NLGN1: variants seen among roughly 807,000 people sequenced by gnomAD.
The protein encoded by NLGN1 is neuroligin-1.
NLGN1 carries 12 observed loss-of-function variants against 65.5 expected under a neutral mutation model. The ratio of observed to expected loss-of-function variants is 0.18; its 90% CI spans 0.12 to 0.30. The LOEUF is 0.30. Among genes scored for constraint, NLGN1 ranks in the 10% least tolerant of loss-of-function variants. The pLI, the probability that NLGN1 is intolerant of heterozygous loss-of-function variation, is 1.00. For missense variants in NLGN1, 750 were observed against 1,007.1 expected (o/e 0.74, Z 3.46); for synonymous variants, 350 against 359.5 (o/e 0.97, Z 0.30).
At chr3:173,422,514 T>C (rs59161091) in intron 1 of NLGN1, among the ~76,000 whole-genome samples, 6,246 of 152,266 alleles carry the variant, frequency 0.041, 417 homozygotes, top group African/African-American at 0.14. Flanking sequence ...GGTCATATGG[T>C]ATTTTTATTT....
intron 4 of NLGN1, among the ~76,000 whole-genome samples, chr3:173,999,904 C>T (rs927470585): frequency 1.3e-4 from 20 of 151,394 alleles, no homozygotes; most frequent in African/African-American, 3.6e-4. Flanking sequence ...TAAAAATTTG[C>T]GTTAAACAAT....
At chr3:173,410,298 A>G (rs1195606864) in intron 1 of NLGN1, among the ~76,000 whole-genome samples, 2 of 152,182 alleles carry the variant, frequency 1.3e-5, no homozygotes, top group Non-Finnish European at 2.9e-5. Context: ...TTGCATTATC[A>G]TGAGAACCCT....
At chr3:173,810,609 G>C (rs919784998) in intron 4 of NLGN1, among the ~76,000 whole-genome samples, 1 of 152,156 alleles carries the variant, frequency 6.6e-6, no homozygotes, top group African/African-American at 2.4e-5. Context: ...GGAGGTGGTG[G>C]GGAATCTTAC....
At chr3:173,868,233 G>A (rs1343730253) in intron 4 of NLGN1, among the ~76,000 whole-genome samples, 1 of 152,156 alleles carries the variant, frequency 6.6e-6, no homozygotes, top group Non-Finnish European at 1.5e-5. Flanking sequence ...ATGGGCATGA[G>A]AGAAAGTGAA....
chr3:173,988,004 A>G (rs1720310430), intron 4 of NLGN1, among the ~76,000 whole-genome samples: 1 of 152,200 alleles, frequency 6.6e-6, no homozygotes, highest in Non-Finnish European at 1.5e-5. Context: ...TGAACAATAT[A>G]AAGATGCATA....
In NLGN1 at chr3:173,862,527, A is replaced by AAAAG. The variant is rs1560514516; in HGVS notation, c.646+54699_646+54702dup. On this transcript the variant is annotated intron_variant, in intron 4 of 6. Transcript: ENST00000457714. ...TCTCAAAAAAAAAAAAAAAAAAAAAAAAAGAAAATGAAAACATAATACATA... is the reference window on the plus strand; with the variant it reads ...TCTCAAAAAAAAAAAAAAAAAAAAAAAAAGAAAGAAAATGAAAACATAATACATA... 7.9e-4 allele frequency among the ~76,000 whole-genome samples: 118 copies of AAAAG among 148,688 alleles called. 1 individual carries two copies. The highest frequency in any genetic ancestry group is 2.9e-3 in the African/African-American group (114 of 39,942).
intron 1 of NLGN1, among the ~76,000 whole-genome samples, chr3:173,403,156 T>G (rs1718013044): frequency 6.6e-6 from 1 of 152,178 alleles, no homozygotes; most frequent in South Asian, 2.1e-4. Flanking sequence ...ATGCATACTT[T>G]CATGATGTTA....
chr3:173,746,320 C>A (rs1217823489), intron 3 of NLGN1, among the ~76,000 whole-genome samples: 1 of 151,976 alleles, frequency 6.6e-6, no homozygotes, highest in Admixed American at 6.6e-5. Context: ...TTATGGGTAT[C>A]CCCATTAAAA....
At chr3:173,770,839 G>GA (rs954244209) in intron 3 of NLGN1, among the ~76,000 whole-genome samples, 18 of 149,428 alleles carry the variant, frequency 1.2e-4, no homozygotes, top group African/African-American at 2.7e-4. Context: ...TCAATAGAAT[G>GA]AAAAAAAAAA....
At chr3:174,044,428 G>T (rs1198467116) in intron 4 of NLGN1, among the ~76,000 whole-genome samples, 2 of 151,886 alleles carry the variant, frequency 1.3e-5, no homozygotes, top group Non-Finnish European at 2.9e-5. Flanking sequence ...TTACCAGTTA[G>T]AAATTTCTTC....
At chr3:173,752,811 C>A (rs1178754609) in intron 3 of NLGN1, among the ~76,000 whole-genome samples, 1 of 152,084 alleles carries the variant, frequency 6.6e-6, no homozygotes, top group African/African-American at 2.4e-5. Context: ...CAGTCTACTT[C>A]TCCCTCTCAA....
At position 173,842,196 on chromosome 3, in the gene NLGN1, G is replaced by T. The variant is rs982046145; in HGVS notation, c.646+34364G>T. On this transcript the variant is annotated intron_variant, in intron 4 of 6. Coordinates refer to ENST00000457714, the Ensembl canonical transcript of NLGN1. ...ACTCATTCACTTTCACAAGAACAGT[G>T]CAGAAAAGACGAGCCCACATAATTC... 2.0e-5 allele frequency among the ~76,000 whole-genome samples: 3 copies of T among 152,158 alleles called. No homozygotes were observed. In the East Asian group the frequency reaches 5.8e-4, roughly 29 times the overall value.
At chr3:174,263,591 T>C (rs1032011431) in intron 4 of NLGN1, among the ~76,000 whole-genome samples, 3 of 152,134 alleles carry the variant, frequency 2.0e-5, no homozygotes, top group African/African-American at 4.8e-5. Context: ...GCACGTGAGA[T>C]GGGATTCCTG....
intron 4 of NLGN1, among the ~76,000 whole-genome samples, chr3:173,811,620 A>G (rs1032336908): frequency 2.0e-5 from 3 of 151,676 alleles, no homozygotes; most frequent in Admixed American, 6.6e-5. Flanking sequence ...GCAGGGATAA[A>G]TACTTGATGT....
chr3:173,523,269 A>T (rs1735067862), intron 2 of NLGN1, among the ~76,000 whole-genome samples: 1 of 151,462 alleles, frequency 6.6e-6, no homozygotes, highest in South Asian at 2.1e-4. Flanking sequence ...ATTAAATATC[A>T]TTTGTCTATT....
chr3:173,729,869 T>C (rs1049384437), intron 3 of NLGN1, among the ~76,000 whole-genome samples: 1 of 152,044 alleles, frequency 6.6e-6, no homozygotes, highest in African/African-American at 2.4e-5. Flanking sequence ...TTCCATATTC[T>C]GTCAAATGCT....
chr3:174,045,841 G>A (rs967814581), intron 4 of NLGN1, among the ~76,000 whole-genome samples: 7 of 152,146 alleles, frequency 4.6e-5, no homozygotes, highest in African/African-American at 1.7e-4. Context: ...GGAAAGCTGA[G>A]CTTATAAAAT....
At chr3:174,150,241 T>C (rs2152703017) in intron 4 of NLGN1, among the ~76,000 whole-genome samples, 1 of 152,254 alleles carries the variant, frequency 6.6e-6, no homozygotes, top group Non-Finnish European at 1.5e-5. Context: ...AAATATATAC[T>C]GGCACCTACA....
chr3:173,644,654 A>T (rs1291137237), intron 3 of NLGN1: 1 of 155,134 alleles, frequency 6.4e-6, no homozygotes, highest in East Asian at 1.9e-4. Context: ...CTTCAGTGAC[A>T]CCCAGCCTGG....
Sources: gnomAD v4.1 joint callset for allele counts (sites outside exome capture counted in the v4.1 genomes callset) on GRCh38, gnomAD v4.1.1 for gene constraint, MANE v1.5 for transcripts, NCBI Gene and HGNC (gene_info 2026-07-23, HGNC 2026-07-21) for gene names.